Variants in MUC5B observed in about 807,000 individuals in gnomAD.
MUC5B encodes the protein mucin-5B.
In MUC5B, 116 loss-of-function variants were observed where a neutral mutation model predicts 376.9. The ratio of observed to expected loss-of-function variants is 0.31; its 90% CI spans 0.26 to 0.36. MUC5B has a LOEUF of 0.36. MUC5B is among the 10% of genes least tolerant of loss of function. The pLI is 1.00. For missense variants in MUC5B, 7,165 were observed against 7,769.9 expected, an observed-to-expected ratio of 0.92 and a Z score of 2.93; for synonymous variants, 3,517 against 3,390.9, an observed-to-expected ratio of 1.04 and a Z score of -1.29.
At chr11:1,226,386 C>A (rs1458779945) in intron 3 of MUC5B, 110 bp downstream of exon 3, 1 of 1,393,414 alleles carries the variant, frequency 7.2e-7, no homozygotes, top group African/African-American at 1.4e-5. Flanking sequence ...TTGGGCCAGA[C>A]CCAGAGTCCT....
chr11:1,260,049 A>C lies in MUC5B; in HGVS notation c.16887A>C (p.Pro5629=), dbSNP rs1590194189. ...AGGGTGGAGTCCATTTGCTGACCCC[A>C]CAGCCTGCATCCTGCCCAGATGTGT... The part of the protein sequence containing the change: ...EAEGGVHLLT[P]QPASCPDVSS... The change falls in exon 46 of 49, where the codon CCA becomes CCC. Residue 5629 remains proline (P), a synonymous_variant. Transcript: ENST00000529681. The C allele has an allele frequency of 6.2e-7, 1 of 1,612,670 alleles. No homozygotes were observed. The highest frequency in any genetic ancestry group is 8.5e-7 in the Non-Finnish European group (1 of 1,179,752).
At position 1,246,035 on chromosome 11, in the gene MUC5B, C is replaced by T; in HGVS notation, c.9155C>T (p.Pro3052Leu). ...SSSPRTATTLPVLTSTATKST... is the reference protein window; with the variant it reads ...SSSPRTATTLLVLTSTATKST... ...AGTCCAAGGACTGCAACCACCCTTC[C>T]AGTGCTGACAAGCACAGCCACCAAA... The change falls in exon 31 of 49, where the codon CCA becomes CTA. Residue 3052 changes from proline to leucine, a missense_variant. By Grantham distance (98) the Pro-to-Leu change is moderately conservative. This residue lies in a region of MUC5B where 939 missense variants were observed against 770.6 expected (regional missense o/e 1.22). Coordinates refer to ENST00000529681, the MANE Select transcript of MUC5B (RefSeq NM_002458.3). The T allele has an allele frequency of 1.2e-6, 2 of 1,613,014 alleles. No homozygotes were observed. Among genetic ancestry groups the T allele is most frequent in the South Asian group, 1.1e-5 (1 of 91,030 alleles).
Position 1,231,955 on chromosome 11 carries a change from C to T in MUC5B, c.1679-41C>T, listed in dbSNP as rs769738432. ...TGGCAGGGGCCAGGAGCCAGGTGGG[C>T]CCAACAGTGGCCGCTGACATCCCCC... On this transcript the variant is annotated intron_variant, in intron 14 of 48. Coordinates refer to ENST00000529681, the MANE Select transcript of MUC5B (RefSeq NM_002458.3). 45 of 1,610,590 alleles carry T rather than the reference C, an allele frequency of 2.8e-5. No homozygotes were observed. In the East Asian group the frequency reaches 5.6e-4, roughly 20 times the overall value.
chr11:1,250,358 C>T lies in MUC5B; in HGVS notation c.13478C>T (p.Ser4493Phe), dbSNP rs372325246. 1.5e-5 allele frequency: 25 copies of T among 1,613,510 alleles called. No individual in the cohort carries two copies. In the African/African-American group the frequency reaches 2.5e-4, roughly 16 times the overall value. Reference sequence around the variant, plus strand: ...GCCACGACACCCACAGTCACCAGCTCCAAAGCCACTCCCTCCTCCAGTCCA... The same window carrying T: ...GCCACGACACCCACAGTCACCAGCTTCAAAGCCACTCCCTCCTCCAGTCCA... ...TTATTPTVTS[S>F]KATPSSSPGT... Residue 4493 changes from serine to phenylalanine, a missense_variant, in exon 31 of 49, where the codon TCC (serine) becomes TTC (phenylalanine). Physicochemically the swap from Ser to Phe is radical, Grantham distance 155. Coordinates refer to ENST00000529681, the MANE Select transcript of MUC5B (RefSeq NM_002458.3).
Position 1,251,180 on chromosome 11 carries a change from A to T in MUC5B, c.14300A>T (p.Gln4767Leu). 6.2e-7 allele frequency: 1 copy of T among 1,609,798 alleles called. No homozygotes were observed. The highest frequency in any genetic ancestry group is 1.1e-5 in the South Asian group (1 of 90,934). The part of the protein sequence containing the change: ...TLWTTWTVPA[Q>L]TTTPMSTMST... ...TGGACCACGTGGACCGTCCCAGCAC[A>T]GACCACCACACCCATGTCCACCATG... Residue 4767 changes from glutamine to leucine, a missense_variant, in exon 31 of 49, where the codon CAG becomes CTG. Around this residue, in one of 31 missense-constraint regions of MUC5B, gnomAD observed 730 missense variants for 592.7 expected, o/e 1.23. Transcript: ENST00000529681.
rs775481425 is a variant in MUC5B at position 1,244,890 on chromosome 11, C to T, written c.8010C>T (p.Ala2670=). The change falls in exon 31 of 49, where the codon GCC becomes GCT. Residue 2670 remains alanine (A), a synonymous_variant. Coordinates refer to ENST00000529681, the MANE Select transcript of MUC5B (RefSeq NM_002458.3). The part of the protein sequence containing the change: ...TVLTTTTTTV[A]TGSMATPSSS... ...TGACCACCACCACCACAACTGTGGC[C>T]ACTGGTTCTATGGCAACACCCTCCT... 6 of 1,611,528 alleles carry T rather than the reference C, an allele frequency of 3.7e-6. No individual in the cohort carries two copies. The highest frequency in any genetic ancestry group is 2.7e-5 in the African/African-American group (2 of 74,482).
At position 1,260,703 on chromosome 11, in the gene MUC5B, G is replaced by C. The variant is rs200719329; in HGVS notation, c.17044G>C (p.Glu5682Gln). The change falls in exon 48 of 49, where the codon GAG becomes CAG. Residue 5682 changes from glutamate to glutamine, a missense_variant. Around this residue, in one of 31 missense-constraint regions of MUC5B, gnomAD observed 842 missense variants for 1,016.9 expected, o/e 0.83. Transcript: ENST00000529681. ...GACCGAGGTCAACATCACCTTCTGC[G>C]AGGGCTCCTGCCCCGGAGCGTCCAA... ...CETEVNITFCEGSCPGASKYS... is the reference protein window; with the variant it reads ...CETEVNITFCQGSCPGASKYS... The C allele has an allele frequency of 1.9e-6, 3 of 1,611,706 alleles. No individual in the cohort carries two copies. The highest frequency in any genetic ancestry group is 1.7e-6 in the Non-Finnish European group (2 of 1,179,500).
chr11:1,231,537 C>A lies in MUC5B; in HGVS notation c.1655C>A (p.Pro552His). The A allele has an allele frequency of 6.3e-7, 1 of 1,586,708 alleles. No individual in the cohort carries two copies. The highest frequency in any genetic ancestry group is 8.6e-7 in the Non-Finnish European group (1 of 1,168,342). ...ATGCAGGTGTTTGTCAGGCTGGACC[C>A]CGCCCACCAGGGCCAGATGTGCGGT... ...PLMQVFVRLD[P>H]AHQGQMCGLC... Residue 552 changes from proline to histidine, a missense_variant, in exon 14 of 49, where the codon CCC becomes CAC. This residue lies in a region of MUC5B where 640 missense variants were observed against 733.0 expected (regional missense o/e 0.87). Coordinates refer to ENST00000529681, the MANE Select transcript of MUC5B (RefSeq NM_002458.3).
Position 1,255,180 on chromosome 11 carries a change from C to G in MUC5B, c.15804C>G (p.Pro5268=), listed in dbSNP as rs569141958. 3 of 1,554,714 alleles carry G rather than the reference C, an allele frequency of 1.9e-6. No individual in the cohort carries two copies. The highest frequency in any genetic ancestry group is 1.9e-5 in the Admixed American group (1 of 51,652). The change falls in exon 36 of 49, where the codon CCC becomes CCG. Residue 5268 remains proline, a synonymous_variant. Coordinates refer to ENST00000529681, the MANE Select transcript of MUC5B (RefSeq NM_002458.3). ...GCTGGGCCCCGACTGGCACACCCCC[C>G]ACTGCCAGCCCCGCAGCCCCGGTGT... is the stretch of plus-strand genomic sequence containing the variant. The part of the protein sequence containing the change: ...DGCWAPTGTP[P]TASPAAPVSS...
At chr11:1,238,420 C>T (rs1862201218) in intron 25 of MUC5B, among the ~76,000 whole-genome samples, 1 of 151,660 alleles carries the variant, frequency 6.6e-6, no homozygotes, top group Non-Finnish European at 1.5e-5. Context: ...GGAGGGAAGG[C>T]CCCCAGGTGG....
In MUC5B at chr11:1,248,690, G is replaced by A. The variant is rs1161785596; in HGVS notation, c.11810G>A (p.Ser3937Asn). The change falls in exon 31 of 49, where the codon AGC (serine) becomes AAC (asparagine). Residue 3937 changes from serine (S) to asparagine (N), a missense_variant. Transcript: ENST00000529681. ...ATGSMATPSS[S>N]TQTSGTPPSL... ...GGTTCTATGGCAACACCCTCCTCTA[G>A]CACACAGACCAGTGGTACTCCCCCA... The A allele has an allele frequency of 6.3e-7, 1 of 1,580,446 alleles. No homozygotes were observed. The highest frequency in any genetic ancestry group is 8.6e-7 in the Non-Finnish European group (1 of 1,164,510).
At position 1,250,332 on chromosome 11, in the gene MUC5B, G is replaced by A. The variant is rs370261534; in HGVS notation, c.13452G>A (p.Thr4484=). The A allele has an allele frequency of 3.8e-5, 62 of 1,611,458 alleles. No individual in the cohort carries two copies. The Middle Eastern group carries it at 9.9e-4, about 26-fold the overall frequency. ...CTGGCACCCCACATGTGAGCACCAC[G>A]GCCACGACACCCACAGTCACCAGCT... ...ATAGTPHVST[T]ATTPTVTSSK... is the part of the protein sequence containing the mutation. The change falls in exon 31 of 49, where the codon ACG becomes ACA. Residue 4484 remains threonine, a synonymous_variant. Transcript: ENST00000529681.
rs1389768854 is a variant in MUC5B at position 1,245,081 on chromosome 11, C to T, written c.8201C>T (p.Thr2734Ile). 6.5e-7 allele frequency: 1 copy of T among 1,542,730 alleles called. No individual in the cohort carries two copies. The highest frequency in any genetic ancestry group is 1.2e-5 in the South Asian group (1 of 83,744). ...TTPAATSSTV[T>I]PSSALGTTHT... The stretch of plus-strand genomic sequence containing the variant: ...CCTGCAGCCACCAGCAGCACAGTGA[C>T]TCCCTCCTCTGCCCTAGGGACCACC... The change falls in exon 31 of 49, where the codon ACT becomes ATT. Residue 2734 changes from threonine to isoleucine, a missense_variant. By Grantham distance (89) the Thr-to-Ile change is moderately conservative (BLOSUM62 -1). Transcript: ENST00000529681.
At chr11:1,260,196 C>G in intron 46 of MUC5B, 111 bp downstream of exon 46, 1 of 1,437,346 alleles carries the variant, frequency 7.0e-7, no homozygotes, top group Non-Finnish European at 9.4e-7. Context: ...GCTGGGGAGG[C>G]CCCACCCCTG....
Position 1,229,260 on chromosome 11 carries a change from A to T in MUC5B, c.1067A>T (p.Glu356Val). The T allele has an allele frequency of 6.3e-7, 1 of 1,587,972 alleles. No homozygotes were observed. The highest frequency in any genetic ancestry group is 1.1e-5 in the South Asian group (1 of 87,524). ...CSNPQRAQLCEDHCVDGCFCP... is the reference protein window; with the variant it reads ...CSNPQRAQLCVDHCVDGCFCP... ...AACCCCCAGCGCGCGCAGCTCTGCG[A>T]GGACCACTGTGTGGACGGCTGCTTC... Residue 356 changes from glutamate (E) to valine (V), a missense_variant, in exon 9 of 49, where the codon GAG (glutamate) becomes GTG (valine). Glu to Val is a moderately radical substitution (Grantham distance 121). Transcript: ENST00000529681.
Position 1,259,070 on chromosome 11 carries a change from CG to C in MUC5B, c.16713+10del. On this transcript the variant is annotated intron_variant, in intron 44 of 48. Transcript: ENST00000529681. ...ATACTACCTGTCCCCAGGTGAGACC[CG>C]AGGCACCTGCCCCCAGGTGAGCCCC... 4 of 1,544,016 alleles carry C rather than the reference CG, an allele frequency of 2.6e-6. No individual in the cohort carries two copies. The highest frequency in any genetic ancestry group is 2.0e-5 in the Admixed American group (1 of 50,736).
Position 1,242,801 on chromosome 11 carries a change from C to A in MUC5B, c.5921C>A (p.Thr1974Lys). The stretch of plus-strand genomic sequence containing the variant: ...CCAGCACTGAGAAGCACAGCCACCA[C>A]ACCCACAGCTACCAGCGTTACACCC... ...ALPALRSTAT[T>K]PTATSVTPIP... is the part of the protein sequence containing the mutation. The change falls in exon 31 of 49, where the codon ACA becomes AAA. Residue 1974 changes from threonine (T) to lysine (K), a missense_variant. By Grantham distance (78) the Thr-to-Lys change is moderately conservative. Transcript: ENST00000529681. 6.2e-7 allele frequency: 1 copy of A among 1,613,290 alleles called. No homozygotes were observed. Among genetic ancestry groups the A allele is most frequent in the Non-Finnish European group, 8.5e-7 (1 of 1,179,582 alleles).
chr11:1,236,571 G>A lies in MUC5B; in HGVS notation c.3057+9G>A, dbSNP rs764533231. 1.1e-5 allele frequency: 17 copies of A among 1,611,452 alleles called. No homozygotes were observed. The highest frequency in any genetic ancestry group is 1.6e-4 in the Middle Eastern group (1 of 6,070). ...TGCACCAGGACTACAAGGTGAGCTC[G>A]GGCCGTGCACTCCTAGGCCCTGCAG... On this transcript the variant is annotated intron_variant, in intron 24 of 48. Coordinates refer to ENST00000529681, the MANE Select transcript of MUC5B (RefSeq NM_002458.3).
rs1430028337 is a variant in MUC5B at position 1,249,737 on chromosome 11, C to A, written c.12857C>A (p.Ala4286Asp). Residue 4286 changes from alanine (A) to aspartate (D), a missense_variant, in exon 31 of 49, where the codon GCC (alanine) becomes GAC (aspartate). Coordinates refer to ENST00000529681, the MANE Select transcript of MUC5B (RefSeq NM_002458.3). ...APPPKVLTSP[A>D]TTPTATSSKA... ...CCTCCCAAAGTGCTGACCAGCCCGG[C>A]CACCACACCCACAGCCACCAGTTCC... 2 of 1,611,956 alleles carry A rather than the reference C, an allele frequency of 1.2e-6. No homozygotes were observed. Among genetic ancestry groups the A allele is most frequent in the Admixed American group, 1.7e-5 (1 of 59,952 alleles).
Sources: gnomAD v4.1 joint callset for allele counts (sites outside exome capture counted in the v4.1 genomes callset) on GRCh38, gnomAD v4.1.1 for gene constraint, gnomAD v4.1.1 regional missense constraint, MANE v1.5 for transcripts, NCBI Gene and HGNC (gene_info 2026-07-23, HGNC 2026-07-21) for gene names.